Variants in MLIP observed in about 807,000 individuals in gnomAD.
MLIP encodes the protein muscular LMNA interacting protein.
In MLIP, 79 loss-of-function variants were observed where a neutral mutation model predicts 84.8. The ratio of observed to expected loss-of-function variants is 0.93; its 90% CI spans 0.78 to 1.12. The LOEUF (loss-of-function observed/expected upper bound fraction) is 1.12. MLIP is among the 50% of genes most tolerant of loss of function. The pLI, the probability that MLIP is intolerant of heterozygous loss-of-function variation, is 0.00. For missense variants in MLIP, 1,257 were observed against 1,160.6 expected, an observed-to-expected ratio of 1.08 and a Z score of -1.21; for synonymous variants, 504 against 463.0, an observed-to-expected ratio of 1.09 and a Z score of -1.14.
intron 1 of MLIP, among the ~76,000 whole-genome samples, chr6:54,042,482 C>T (rs977625602): frequency 3.3e-5 from 5 of 152,044 alleles, no homozygotes; most frequent in African/African-American, 1.2e-4. Flanking sequence ...TTTTAGGGTA[C>T]CAAACATATT....
chr6:54,259,155 G>A (rs928685856), intron 13 of MLIP, among the ~76,000 whole-genome samples: 8 of 151,372 alleles, frequency 5.3e-5, no homozygotes, highest in African/African-American at 1.7e-4. Flanking sequence ...TGCATTTATT[G>A]GTATGGTAAT....
At chr6:54,076,892 G>T (rs577719642) in intron 1 of MLIP, among the ~76,000 whole-genome samples, 3 of 149,910 alleles carry the variant, frequency 2.0e-5, no homozygotes, top group African/African-American at 7.4e-5. Context: ...GTTTTAAAAA[G>T]AAAAAAAAAG....
chr6:54,044,286 G>A (rs1467481643), intron 1 of MLIP, among the ~76,000 whole-genome samples: 3 of 152,170 alleles, frequency 2.0e-5, no homozygotes, highest in Admixed American at 1.3e-4. Flanking sequence ...AAGAGTGAAT[G>A]GAAACAGAAT....
intron 9 of MLIP, among the ~76,000 whole-genome samples, chr6:54,187,642 T>C (rs1368123356): frequency 1.3e-5 from 2 of 151,950 alleles, no homozygotes; most frequent in African/African-American, 4.8e-5. Flanking sequence ...CAGAATACAG[T>C]ATAAAGTGAC....
At chr6:54,124,917 C>T (rs367934632) in intron 3 of MLIP, 52 bp downstream of exon 3, 1 of 1,499,418 alleles carries the variant, frequency 6.7e-7, no homozygotes, top group Admixed American at 2.3e-5. Context: ...GTTTATGCAC[C>T]CTTTGTCTTG....
intron 1 of MLIP, chr6:54,032,583 T>G (rs529473151): frequency 6.6e-6 from 1 of 152,182 alleles, no homozygotes; most frequent in Non-Finnish European, 1.5e-5. Context: ...TGAGACAGTC[T>G]TACTCTGTCG....
At chr6:54,235,978 G>C (rs960146273) in intron 12 of MLIP, among the ~76,000 whole-genome samples, 12 of 152,140 alleles carry the variant, frequency 7.9e-5, no homozygotes, top group Admixed American at 2.0e-4. Flanking sequence ...TGCCCCTACA[G>C]CTTACATGGG....
intron 5 of MLIP, among the ~76,000 whole-genome samples, chr6:54,150,551 C>T (rs371391150): frequency 6.6e-6 from 1 of 152,196 alleles, no homozygotes; most frequent in South Asian, 2.1e-4. Context: ...GAATCACTCT[C>T]CATCAGCAGT....
intron 12 of MLIP, among the ~76,000 whole-genome samples, chr6:54,234,998 C>T (rs1196403371): frequency 6.6e-6 from 1 of 152,154 alleles, no homozygotes; most frequent in Admixed American, 6.5e-5. Flanking sequence ...CTTATCATTT[C>T]CCCTAGGATG....
At chr6:54,127,761 T>G (rs902171202) in intron 3 of MLIP, among the ~76,000 whole-genome samples, 1 of 152,158 alleles carries the variant, frequency 6.6e-6, no homozygotes, top group Non-Finnish European at 1.5e-5. Context: ...GTGGCATGTT[T>G]AAGTAAAAGT....
At chr6:54,074,977 G>A (rs948534492) in intron 1 of MLIP, among the ~76,000 whole-genome samples, 1 of 152,026 alleles carries the variant, frequency 6.6e-6, no homozygotes, top group African/African-American at 2.4e-5. Context: ...GGCCAGGCGC[G>A]GTGGTTCACA....
intron 1 of MLIP, among the ~76,000 whole-genome samples, chr6:54,101,349 G>A (rs1768630533): frequency 1.3e-5 from 2 of 152,070 alleles, no homozygotes; most frequent in African/African-American, 2.4e-5. Context: ...TAAAAAGAAA[G>A]AGAGAAATGA....
At chr6:54,231,359 C>A (rs561146668) in intron 12 of MLIP, among the ~76,000 whole-genome samples, 6 of 152,118 alleles carry the variant, frequency 3.9e-5, no homozygotes, top group African/African-American at 1.4e-4. Context: ...TGGGTATCTG[C>A]AAAATAATAT....
At chr6:54,130,100 T>C (rs1771258436) in intron 3 of MLIP, among the ~76,000 whole-genome samples, 1 of 152,082 alleles carries the variant, frequency 6.6e-6, no homozygotes, top group South Asian at 2.1e-4. Context: ...TAGATGCACT[T>C]AGGAGAATTT....
chr6:54,047,020 T>C (rs1765099461), intron 1 of MLIP: 1 of 152,202 alleles, frequency 6.6e-6, no homozygotes, highest in Non-Finnish European at 1.5e-5. Flanking sequence ...GCACTTGAGA[T>C]TAGCTGCAGA....
At chr6:54,050,109 A>G (rs1168480997) in intron 1 of MLIP, among the ~76,000 whole-genome samples, 1 of 152,112 alleles carries the variant, frequency 6.6e-6, no homozygotes, top group Non-Finnish European at 1.5e-5. Flanking sequence ...ATTTTCTTTT[A>G]AAGTAAACAT....
chr6:54,165,058 C>T (rs1436530712), intron 8 of MLIP, among the ~76,000 whole-genome samples: 1 of 151,880 alleles, frequency 6.6e-6, no homozygotes, highest in Non-Finnish European at 1.5e-5. Context: ...CATGGAAACT[C>T]AAATTTCCCT....
intron 12 of MLIP, among the ~76,000 whole-genome samples, chr6:54,254,625 C>A (rs1210735436): frequency 1.3e-5 from 2 of 152,042 alleles, no homozygotes; most frequent in Non-Finnish European, 2.9e-5. Flanking sequence ...AACATATCTA[C>A]CCTCTGCTTC....
At chr6:54,138,330 G>A in intron 4 of MLIP, 44 bp downstream of exon 4, 2 of 1,476,026 alleles carry the variant, frequency 1.4e-6, no homozygotes, top group Non-Finnish European at 1.8e-6. Flanking sequence ...TTTGAAACAG[G>A]GAAGAATCTT....
Sources: gnomAD v4.1 joint callset for allele counts (sites outside exome capture counted in the v4.1 genomes callset) on GRCh38, gnomAD v4.1.1 for gene constraint, MANE v1.5 for transcripts, NCBI Gene and HGNC (gene_info 2026-07-23, HGNC 2026-07-21) for gene names.